The following LRP1B variants were observed in gnomAD, a reference collection of about 807,000 sequenced individuals.
The protein encoded by LRP1B is low-density lipoprotein receptor-related protein 1B.
LRP1B carries 217 observed loss-of-function variants against 556.6 expected under a neutral mutation model. That is an observed-to-expected ratio of 0.39 (90% confidence interval 0.35 to 0.44). The LOEUF (loss-of-function observed/expected upper bound fraction) is 0.44. Ranked by LOEUF, LRP1B falls within the 20% of genes least tolerant of loss-of-function variation. LRP1B has a pLI of 1.00. For missense variants in LRP1B, 5,053 were observed against 5,620.8 expected (o/e 0.90, Z 3.23); for synonymous variants, 2,047 against 1,865.8 (o/e 1.10, Z -2.50).
chr2:140,440,739 A>ATGTGTGTGTGTGTGTGTGTGTGTG (rs1279713239), intron 66 of LRP1B, among the ~76,000 whole-genome samples: 6 of 86,432 alleles, frequency 6.9e-5, no homozygotes, highest in African/African-American at 2.7e-4. Flanking sequence ...GTCCCTCTGT[A>ATGTGTGTGTGTGTGTGTGTGTGTG]TGTATGTGTG....
chr2:141,047,083 AAT>A (rs1248592579), intron 11 of LRP1B, among the ~76,000 whole-genome samples: 5 of 150,936 alleles, frequency 3.3e-5, no homozygotes, highest in Non-Finnish European at 5.9e-5. Flanking sequence ...TAATAATAAT[AAT>A]AAATGCAAGT....
chr2:141,735,066 G>A (rs1574299337), intron 2 of LRP1B, among the ~76,000 whole-genome samples: 1 of 152,188 alleles, frequency 6.6e-6, no homozygotes, highest in Middle Eastern at 3.4e-3. Context: ...ACCATTGTAA[G>A]TAGGAAGAGT....
chr2:141,399,512 T>C (rs1690368853), intron 3 of LRP1B, among the ~76,000 whole-genome samples: 1 of 152,196 alleles, frequency 6.6e-6, no homozygotes. Context: ...TGCAGATCTT[T>C]AAACTAAAGT....
At chr2:141,183,761 A>G (rs1435129106) in intron 7 of LRP1B, among the ~76,000 whole-genome samples, 1 of 152,038 alleles carries the variant, frequency 6.6e-6, no homozygotes, top group African/African-American at 2.4e-5. Context: ...CAATTTAGCC[A>G]AATCACATAA....
chr2:140,389,476 T>C (rs1370947527), intron 66 of LRP1B, among the ~76,000 whole-genome samples: 1 of 151,194 alleles, frequency 6.6e-6, no homozygotes, highest in African/African-American at 2.4e-5. Flanking sequence ...TATATAAATT[T>C]AATTATATTT....
intron 2 of LRP1B, among the ~76,000 whole-genome samples, chr2:141,801,749 C>G (rs1002244906): frequency 2.6e-5 from 4 of 152,082 alleles, no homozygotes; most frequent in Non-Finnish European, 5.9e-5. Context: ...GATTTCATTT[C>G]ACATTTCTTT....
At chr2:141,618,637 C>CT (rs1287387823) in intron 2 of LRP1B, among the ~76,000 whole-genome samples, 1 of 152,136 alleles carries the variant, frequency 6.6e-6, no homozygotes, top group African/African-American at 2.4e-5. Context: ...CAGGATGCCA[C>CT]TACAATAGTC....
intron 43 of LRP1B, among the ~76,000 whole-genome samples, chr2:140,551,958 T>C (rs1680561851): frequency 6.6e-6 from 1 of 152,146 alleles, no homozygotes; most frequent in South Asian, 2.1e-4. Context: ...ATAGATACTA[T>C]TTTAAACCAC....
At chr2:141,669,740 T>C (rs1690589446) in intron 2 of LRP1B, among the ~76,000 whole-genome samples, 1 of 143,238 alleles carries the variant, frequency 7.0e-6, no homozygotes, top group African/African-American at 2.5e-5. Flanking sequence ...CATGTTTTCA[T>C]TGCCTTTTTT....
Position 141,528,741 on chromosome 2 carries a change from A to T in LRP1B, c.206-48208T>A, listed in dbSNP as rs1323268004. 2.0e-5 allele frequency among the ~76,000 whole-genome samples: 3 copies of T among 152,142 alleles called. No individual in the cohort carries two copies. In the East Asian group the frequency reaches 5.8e-4, roughly 29 times the overall value. ...TGTGACTCTGCCCCTGGAAATGTTAAGTACATCTAGAAGCCCTGGTTGAGC... is the reference window on the plus strand; with the variant it reads ...TGTGACTCTGCCCCTGGAAATGTTATGTACATCTAGAAGCCCTGGTTGAGC... On this transcript the variant is annotated intron_variant, in intron 2 of 90. Transcript: ENST00000389484.
chr2:140,368,501 A>G (rs528173673), intron 71 of LRP1B, among the ~76,000 whole-genome samples: 6 of 151,870 alleles, frequency 4.0e-5, no homozygotes, highest in African/African-American at 1.2e-4. Context: ...TAAAGTGTAA[A>G]GTTTGAAAGC....
chr2:142,130,103 T>C (rs979839683), intron 1 of LRP1B, among the ~76,000 whole-genome samples: 6 of 152,130 alleles, frequency 3.9e-5, no homozygotes, highest in African/African-American at 1.4e-4. Flanking sequence ...AAAGCCTCTC[T>C]GCTGATGACA....
intron 57 of LRP1B, among the ~76,000 whole-genome samples, chr2:140,489,712 G>T (rs188378030): frequency 8.5e-5 from 13 of 152,174 alleles, no homozygotes; most frequent in Admixed American, 2.6e-4. Flanking sequence ...AGGATTCTGT[G>T]ATGGCTTGGC....
intron 2 of LRP1B, among the ~76,000 whole-genome samples, chr2:141,614,225 C>T (rs922051496): frequency 6.6e-6 from 1 of 151,930 alleles, no homozygotes; most frequent in African/African-American, 2.4e-5. Context: ...ATCTTTTTCT[C>T]ACACAAAATT....
intron 2 of LRP1B, among the ~76,000 whole-genome samples, chr2:141,482,163 A>AG (rs1682943823): frequency 6.6e-6 from 1 of 152,150 alleles, no homozygotes; most frequent in Non-Finnish European, 1.5e-5. Flanking sequence ...ATATCATACA[A>AG]GCAAAAAAAC....
At chr2:140,409,469 T>G (rs1684881716) in intron 66 of LRP1B, among the ~76,000 whole-genome samples, 2 of 152,052 alleles carry the variant, frequency 1.3e-5, no homozygotes, top group African/African-American at 4.8e-5. Context: ...ACCAGAATTG[T>G]GTTTTATTGT....
chr2:140,952,773 C>A (rs1573916198), intron 18 of LRP1B, among the ~76,000 whole-genome samples: 1 of 152,078 alleles, frequency 6.6e-6, no homozygotes, highest in Non-Finnish European at 1.5e-5. Context: ...TAACAGTAGT[C>A]AGAGAAAAAT....
At position 140,309,526 on chromosome 2, in the gene LRP1B, G is replaced by C. The variant is rs568337089; in HGVS notation, c.12805+5409C>G. On this transcript the variant is annotated intron_variant, in intron 83 of 90. Transcript: ENST00000389484. ...TCACTAACTGTGACTCATGAAGCCAGCAGCAAAATTCGACAGACTCTTACC... is the reference window on the plus strand; with the variant it reads ...TCACTAACTGTGACTCATGAAGCCACCAGCAAAATTCGACAGACTCTTACC... Among the ~76,000 whole-genome samples, 5 of 151,856 alleles carry C rather than the reference G, an allele frequency of 3.3e-5. No individual in the cohort carries two copies. In the East Asian group the frequency reaches 9.7e-4, roughly 29 times the overall value.
At chr2:141,341,439 G>C (rs1186952889) in intron 3 of LRP1B, among the ~76,000 whole-genome samples, 1 of 152,140 alleles carries the variant, frequency 6.6e-6, no homozygotes, top group Non-Finnish European at 1.5e-5. Flanking sequence ...GATTGGCTTA[G>C]ATCTAAATGT....
Sources: gnomAD v4.1 joint callset for allele counts (sites outside exome capture counted in the v4.1 genomes callset) on GRCh38, gnomAD v4.1.1 for gene constraint, MANE v1.5 for transcripts, NCBI Gene and HGNC (gene_info 2026-07-23, HGNC 2026-07-21) for gene names.